SCN9A: variants seen among roughly 807,000 people sequenced by gnomAD.
SCN9A encodes the protein sodium voltage-gated channel alpha subunit 9.
SCN9A carries 131 observed loss-of-function variants against 187.0 expected under a neutral mutation model. That is an observed-to-expected ratio of 0.70 (90% CI 0.61 to 0.81). The LOEUF (loss-of-function observed/expected upper bound fraction) is 0.81. SCN9A is among the 30% of genes least tolerant of loss of function. The pLI is 0.00. For missense variants in SCN9A, 2,252 were observed against 2,396.6 expected (o/e 0.94, Z 1.26); for synonymous variants, 809 against 808.6 (o/e 1.00, Z -0.01).
At chr2:166,359,536 C>T (rs926320947) in intron 1 of SCN9A, among the ~76,000 whole-genome samples, 2 of 152,016 alleles carry the variant, frequency 1.3e-5, no homozygotes, top group Admixed American at 6.5e-5. Flanking sequence ...CCATTGCATC[C>T]TTCATAAGTA....
At chr2:166,222,958 A>AC (rs1558960916) in intron 24 of SCN9A, among the ~76,000 whole-genome samples, 12 of 146,118 alleles carry the variant, frequency 8.2e-5, no homozygotes, top group South Asian at 2.2e-4. Context: ...AAAAAAAAAA[A>AC]AAAAAAAAAA....
At position 166,303,403 on chromosome 2, in the gene SCN9A, T is replaced by A. The variant is rs1051350994; in HGVS notation, c.689-101A>T. 4.5e-6 allele frequency: 4 copies of A among 891,128 alleles called. No individual in the cohort carries two copies. In the African/African-American group the frequency reaches 6.8e-5, roughly 15 times the overall value. The allele number at this position is 891,128 out of a possible 1,614,324, so 55.2% of individuals were successfully genotyped here. On this transcript the variant is annotated intron_variant, in intron 6 of 26. Transcript: ENST00000642356. ...AAAGTCATGCATTATATCAAATCAATGACCTTAAGTAACCTAATTCAAAAA... is the reference window on the plus strand; with the variant it reads ...AAAGTCATGCATTATATCAAATCAAAGACCTTAAGTAACCTAATTCAAAAA...
chr2:166,238,170 A>C lies in SCN9A; in HGVS notation c.3725T>G (p.Leu1242Arg), dbSNP rs1346593889. ...ATAACCATATGCTATCCATTTTAGA[A>C]GCATTTCCAGAATGAAGATGTAAGT... ...IFTYIFILEMLLKWIAYGYKT... is the reference protein window; with the variant it reads ...IFTYIFILEMRLKWIAYGYKT... Residue 1242 changes from leucine (L) to arginine (R), a missense_variant, in exon 20 of 27, where the codon CTT becomes CGT. Leu to Arg is a moderately radical substitution (Grantham distance 102). Around this residue, in one of 7 missense-constraint regions of SCN9A, gnomAD observed 10 missense variants for 27.8 expected, o/e 0.36. Transcript: ENST00000642356. The C allele has an allele frequency of 1.2e-6, 2 of 1,609,502 alleles. No homozygotes were observed. Among genetic ancestry groups the C allele is most frequent in the Non-Finnish European group, 1.7e-6 (2 of 1,177,166 alleles).
intron 1 of SCN9A, among the ~76,000 whole-genome samples, chr2:166,370,117 AT>A (rs1364175982): frequency 2.0e-5 from 3 of 151,532 alleles, no homozygotes; most frequent in Admixed American, 6.6e-5. Flanking sequence ...ATTACATTGG[AT>A]TTAAAAACAT....
intron 1 of SCN9A, among the ~76,000 whole-genome samples, chr2:166,326,674 T>G (rs1009774608): frequency 6.6e-6 from 1 of 152,242 alleles, no homozygotes; most frequent in African/African-American, 2.4e-5. Flanking sequence ...CCCAAGGTCC[T>G]GGCACCACCT....
At chr2:166,298,241 T>G (rs1574892679) in intron 7 of SCN9A, among the ~76,000 whole-genome samples, 1 of 152,204 alleles carries the variant, frequency 6.6e-6, no homozygotes, top group African/African-American at 2.4e-5. Flanking sequence ...TGCGGTTTTT[T>G]CAAAACTTTC....
In SCN9A at chr2:166,370,235, A is replaced by ATCATC. The variant is rs1553507744; in HGVS notation, c.-51+5461_-51+5462insGATGA. Among the ~76,000 whole-genome samples the ATCATC allele has an allele frequency of 3.1e-3, 419 of 137,146 alleles. 4 individuals are homozygous for ATCATC. The highest frequency in any genetic ancestry group is 0.021 in the East Asian group (101 of 4,744). The allele number at this position is 137,146 out of a possible 152,430, so 90.0% of individuals were successfully genotyped here. A position where few individuals can be genotyped will look rare whatever the true frequency, so the allele number is the denominator to read the frequency against. ...TAATAATAATAATAATAATAATAAT[A>ATCATC]ATCATCATCATCATCATTAGATAAT... On this transcript the variant is annotated intron_variant, in intron 1 of 26. Coordinates refer to ENST00000642356, the MANE Select transcript of SCN9A (RefSeq NM_001365536.1).
rs118007035 is a variant in SCN9A, at chr2:166,250,760, A to G, written c.3472+1005T>C. Among the ~76,000 whole-genome samples, 27 of 152,256 alleles carry G rather than the reference A, an allele frequency of 1.8e-4. No individual in the cohort carries two copies. In the East Asian group the frequency reaches 5.2e-3, roughly 29 times the overall value. On this transcript the variant is annotated intron_variant, in intron 18 of 26. Transcript: ENST00000642356. ...TAAGGCCAAATGTAAAGAACTTTAC[A>G]TGTCAAGTTAAGGACTTCAGACTTT...
At chr2:166,341,966 T>C (rs1055325626) in intron 1 of SCN9A, among the ~76,000 whole-genome samples, 1 of 152,200 alleles carries the variant, frequency 6.6e-6, no homozygotes, top group Non-Finnish European at 1.5e-5. Context: ...TTTGTAAGCA[T>C]ACTTGCAGAA....
chr2:166,290,632 C>T (rs1175651973), intron 9 of SCN9A, among the ~76,000 whole-genome samples: 1 of 152,152 alleles, frequency 6.6e-6, no homozygotes, highest in Non-Finnish European at 1.5e-5. Context: ...GATGGTATCT[C>T]ATTGTGGTTT....
intron 1 of SCN9A, among the ~76,000 whole-genome samples, chr2:166,329,972 T>C (rs370082676): frequency 1.3e-4 from 20 of 152,152 alleles, no homozygotes; most frequent in African/African-American, 4.6e-4. Flanking sequence ...AGAAAAAAAA[T>C]CATCTTTGGC....
chr2:166,290,091 G>A (rs143491112), intron 9 of SCN9A, among the ~76,000 whole-genome samples: 4,469 of 143,648 alleles, frequency 0.031, 185 homozygotes, highest in African/African-American at 0.096. Flanking sequence ...AACAGGCCCC[G>A]GTGTGTGTTG....
intron 7 of SCN9A, chr2:166,301,591 G>A (rs192215966): frequency 2.0e-5 from 3 of 150,762 alleles, no homozygotes; most frequent in Admixed American, 1.3e-4. Context: ...TTTAACAAAG[G>A]TTAAGAAAAC....
chr2:166,217,140 G>C (rs1021320295), intron 24 of SCN9A, among the ~76,000 whole-genome samples: 1 of 151,986 alleles, frequency 6.6e-6, no homozygotes, highest in African/African-American at 2.4e-5. Context: ...AATGGTGTTG[G>C]GAAAACTGAA....
At chr2:166,257,730 T>C (rs1345804204) in intron 17 of SCN9A, among the ~76,000 whole-genome samples, 1 of 151,550 alleles carries the variant, frequency 6.6e-6, no homozygotes, top group Admixed American at 6.6e-5. Flanking sequence ...TGCATGTATA[T>C]ATATTTCTAG....
At chr2:166,361,879 G>A (rs1180392672) in intron 1 of SCN9A, among the ~76,000 whole-genome samples, 1 of 152,050 alleles carries the variant, frequency 6.6e-6, no homozygotes, top group African/African-American at 2.4e-5. Flanking sequence ...AGAACTTAAT[G>A]CTAAAGTGAG....
chr2:166,285,417 C>G (rs1369613901), intron 11 of SCN9A, among the ~76,000 whole-genome samples: 1 of 152,158 alleles, frequency 6.6e-6, no homozygotes, highest in Non-Finnish European at 1.5e-5. Context: ...TTGGAAGGAT[C>G]TAGTTCAATA....
At chr2:166,239,516 G>A (rs759245687) in intron 19 of SCN9A, among the ~76,000 whole-genome samples, 1 of 152,126 alleles carries the variant, frequency 6.6e-6, no homozygotes, top group Non-Finnish European at 1.5e-5. Context: ...AAAGAGACAA[G>A]TTGGGGCAGA....
chr2:166,205,925 ACTGGTCAT>A (rs1693780651), intron 24 of SCN9A, among the ~76,000 whole-genome samples: 3 of 152,218 alleles, frequency 2.0e-5, no homozygotes, highest in Non-Finnish European at 1.5e-5. Flanking sequence ...GCTCATCATC[ACTGGTCAT>A]CAGAGAAACA....
Sources: gnomAD v4.1 joint callset for allele counts (sites outside exome capture counted in the v4.1 genomes callset) on GRCh38, gnomAD v4.1.1 for gene constraint, gnomAD v4.1.1 regional missense constraint, MANE v1.5 for transcripts, NCBI Gene and HGNC (gene_info 2026-07-23, HGNC 2026-07-21) for gene names.